Variants in PDS5A observed in about 807,000 individuals in gnomAD.
PDS5A encodes sister chromatid cohesion protein PDS5 homolog A.
Under a neutral mutation model 167.1 loss-of-function variants are expected in PDS5A, and 42 were observed. That is an observed-to-expected ratio of 0.25 (90% confidence interval 0.20 to 0.33). The LOEUF (loss-of-function observed/expected upper bound fraction) is 0.33, where lower values mean the gene tolerates loss of function less well. Ranked by LOEUF, PDS5A falls within the 10% of genes least tolerant of loss-of-function variation. PDS5A has a pLI of 1.00. For synonymous variants in PDS5A, 553 were observed against 554.6 expected, an observed-to-expected ratio of 1.00 and a Z score of 0.04; for missense variants, 1,033 against 1,605.9, an observed-to-expected ratio of 0.64 and a Z score of 6.10.
At chr4:39,886,152 G>T (rs765736550) in intron 17 of PDS5A, among the ~76,000 whole-genome samples, 1 of 152,020 alleles carries the variant, frequency 6.6e-6, no homozygotes, top group African/African-American at 2.4e-5. Flanking sequence ...ATGTATCTGG[G>T]TTCTCAATTC....
chr4:39,824,571 C>T lies in PDS5A; in HGVS notation c.*914G>A, dbSNP rs765415716. ...TTCCTTAAAAGCTGCCAAAGTCCAA[C>T]TATTTTTTAAAAATTGATTTTTTTT... is the stretch of plus-strand genomic sequence containing the variant. On this transcript the variant is annotated 3_prime_UTR_variant, in exon 33 of 33. Transcript: ENST00000303538. 2 of 152,542 alleles carry T rather than the reference C, an allele frequency of 1.3e-5. No homozygotes were observed. The highest frequency in any genetic ancestry group is 2.4e-5 in the African/African-American group (1 of 41,438). 9.4% of individuals were successfully genotyped at this position (152,542 alleles called of 1,614,324 possible).
intron 2 of PDS5A, among the ~76,000 whole-genome samples, chr4:39,965,481 T>C (rs1250982513): frequency 6.6e-6 from 1 of 152,132 alleles, no homozygotes; most frequent in Non-Finnish European, 1.5e-5. Context: ...TTGCTCACAA[T>C]TGCTAAAAAG....
intron 12 of PDS5A, 96 bp downstream of exon 12, chr4:39,903,944 T>C: frequency 1.7e-6 from 1 of 588,422 alleles, no homozygotes. Flanking sequence ...ATGAAGTAAA[T>C]ACATAAAAAT....
rs1395834040 is a variant in PDS5A, at chr4:39,843,065, G to A, written c.3549-1009C>T. ...CTCCCAAGTAGCTGGGACTACAAGT[G>A]TATGCCCCCATGATGCCCAGATTGG... On this transcript the variant is annotated intron_variant, in intron 30 of 32. Coordinates refer to ENST00000303538, the MANE Select transcript of PDS5A (RefSeq NM_001100399.2). Among the ~76,000 whole-genome samples, 3 of 151,202 alleles carry A rather than the reference G, an allele frequency of 2.0e-5. No individual in the cohort carries two copies. The East Asian group carries it at 5.9e-4, about 30-fold the overall frequency.
intron 2 of PDS5A, among the ~76,000 whole-genome samples, chr4:39,966,037 G>T (rs1447622388): frequency 6.6e-6 from 1 of 152,158 alleles, no homozygotes; most frequent in African/African-American, 2.4e-5. Context: ...ACAAACAGAA[G>T]TCTGAAATAA....
In PDS5A at chr4:39,948,123, G is replaced by A. The variant is rs553303604; in HGVS notation, c.139-19959C>T. Among the ~76,000 whole-genome samples the A allele has an allele frequency of 1.5e-3, 218 of 149,032 alleles. 1 individual carries two copies. The highest frequency in any genetic ancestry group is 5.3e-3 in the African/African-American group (216 of 40,466). ...AAAAATTAGCTGGGTATGGTAGCAC[G>A]TACCAGTAGTCTCAGCTACTTGAAA... On this transcript the variant is annotated intron_variant, in intron 2 of 32. Coordinates refer to ENST00000303538, the MANE Select transcript of PDS5A (RefSeq NM_001100399.2).
intron 32 of PDS5A, among the ~76,000 whole-genome samples, chr4:39,833,141 A>T (rs1262769792): frequency 7.7e-6 from 1 of 130,284 alleles, no homozygotes; most frequent in African/African-American, 2.8e-5. Context: ...CAGTGAGCTG[A>T]GATCGTGTCG....
chr4:39,838,315 G>A, intron 31 of PDS5A, 107 bp from the exon 32 acceptor site: 1 of 828,310 alleles, frequency 1.2e-6, no homozygotes, highest in Non-Finnish European at 1.8e-6. Flanking sequence ...GGATTTGAGG[G>A]CTTCCAGTTA....
intron 16 of PDS5A, among the ~76,000 whole-genome samples, chr4:39,895,199 CAAAAAAAAAA>C (rs34303340): frequency 0.011 from 1,059 of 93,438 alleles, 11 homozygotes; most frequent in Middle Eastern, 0.014. Context: ...GACTCCGTCT[CAAAAAAAAAA>C]AAAAAAAAAA....
intron 2 of PDS5A, among the ~76,000 whole-genome samples, chr4:39,969,902 C>G (rs1271700978): frequency 6.7e-6 from 1 of 149,746 alleles, no homozygotes; most frequent in African/African-American, 2.5e-5. Flanking sequence ...AGAGACAAAC[C>G]AAATAAATGT....
At chr4:39,956,943 G>A (rs1357235215) in intron 2 of PDS5A, among the ~76,000 whole-genome samples, 1 of 152,174 alleles carries the variant, frequency 6.6e-6, no homozygotes, top group Non-Finnish European at 1.5e-5. Context: ...AAAGTGCTGG[G>A]ATTACAGGCG....
chr4:39,970,293 G>T (rs1730379073), intron 2 of PDS5A, among the ~76,000 whole-genome samples: 1 of 151,864 alleles, frequency 6.6e-6, no homozygotes, highest in South Asian at 2.1e-4. Context: ...ACTGTGGCCT[G>T]ACATAACAAA....
At position 39,874,552 on chromosome 4, in the gene PDS5A, T is replaced by G. The variant is rs529730476; in HGVS notation, c.2154-140A>C. 13 of 656,086 alleles carry G rather than the reference T, an allele frequency of 2.0e-5. No homozygotes were observed. The African/African-American group carries it at 2.2e-4, about 11-fold the overall frequency. 40.6% of individuals were successfully genotyped at this position (656,086 alleles called of 1,614,324 possible). Reference sequence around the variant, plus strand: ...AAAAATTATCTGATCTAAAGAAAGTTGTAAAAAAGCTCCATCTCTGCCCCC... The same window carrying G: ...AAAAATTATCTGATCTAAAGAAAGTGGTAAAAAAGCTCCATCTCTGCCCCC... On this transcript the variant is annotated intron_variant, in intron 19 of 32. Coordinates refer to ENST00000303538, the MANE Select transcript of PDS5A (RefSeq NM_001100399.2).
intron 18 of PDS5A, among the ~76,000 whole-genome samples, chr4:39,879,252 C>A (rs544673046): frequency 6.6e-6 from 1 of 152,258 alleles, no homozygotes; most frequent in South Asian, 2.1e-4. Flanking sequence ...CGTGACACTA[C>A]CTTTCTTACC....
intron 17 of PDS5A, among the ~76,000 whole-genome samples, chr4:39,887,715 G>GAAA (rs1721597163): frequency 6.6e-6 from 1 of 152,032 alleles, no homozygotes; most frequent in South Asian, 2.1e-4. Flanking sequence ...AGCAAAAATA[G>GAAA]AAAAATAGGA....
chr4:39,879,258 T>C (rs557984285), intron 18 of PDS5A, among the ~76,000 whole-genome samples: 1 of 152,284 alleles, frequency 6.6e-6, no homozygotes, highest in East Asian at 1.9e-4. Context: ...ACTACCTTTC[T>C]TACCCAGTGG....
At chr4:39,874,550 G>A (rs1720309883) in intron 19 of PDS5A, 138 bp from the exon 20 acceptor site, 1 of 663,726 alleles carries the variant, frequency 1.5e-6, no homozygotes, top group African/African-American at 1.8e-5. Context: ...TCTAAAGAAA[G>A]TTGTAAAAAA....
intron 2 of PDS5A, among the ~76,000 whole-genome samples, chr4:39,946,379 G>C (rs1578799976): frequency 6.6e-6 from 1 of 151,968 alleles, no homozygotes; most frequent in South Asian, 2.1e-4. Context: ...GATGAGAAAC[G>C]GGTGGTGGGA....
chr4:39,831,969 C>G (rs996210240), intron 32 of PDS5A, among the ~76,000 whole-genome samples: 35 of 146,578 alleles, frequency 2.4e-4, no homozygotes, highest in Non-Finnish European at 5.2e-4. Context: ...CAAAAATTAG[C>G]CGGGTGTGGT....
Sources: allele counts gnomAD v4.1 joint callset (sites outside exome capture counted in the v4.1 genomes callset), GRCh38; gene constraint gnomAD v4.1.1; transcripts MANE v1.5; gene names NCBI Gene and HGNC (gene_info 2026-07-23, HGNC 2026-07-21).